Variants in ABCD3 observed in about 807,000 individuals in gnomAD.
The protein encoded by ABCD3 is ATP-binding cassette sub-family D member 3.
A neutral mutation model predicts 105.5 loss-of-function variants in ABCD3; 41 were observed. The observed-to-expected ratio is 0.39, with a 90% CI of 0.30 to 0.50. The LOEUF is 0.50. Ranked by LOEUF, ABCD3 falls within the 20% of genes least tolerant of loss-of-function variation. ABCD3 has a pLI of 0.84. For synonymous variants in ABCD3, 258 were observed against 269.0 expected (o/e 0.96, Z 0.40); for missense variants, 622 against 806.3 (o/e 0.77, Z 2.77).
chr1:94,512,520 A>G (rs537667348), intron 21 of ABCD3, among the ~76,000 whole-genome samples: 2 of 151,744 alleles, frequency 1.3e-5, no homozygotes, highest in Non-Finnish European at 2.9e-5. Context: ...CATTACTTAG[A>G]GTTAATAAAC....
At chr1:94,450,455 CCCA>C (rs1660536350) in intron 1 of ABCD3, among the ~76,000 whole-genome samples, 1 of 152,230 alleles carries the variant, frequency 6.6e-6, no homozygotes, top group Non-Finnish European at 1.5e-5. Context: ...GAACACCTGG[CCCA>C]CCCAGGGCGG....
chr1:94,413,992 T>TA (rs1658958416), upstream of ABCD3, among the ~76,000 whole-genome samples: 1 of 152,072 alleles, frequency 6.6e-6, no homozygotes, highest in African/African-American at 2.4e-5. Context: ...GTGAGGATGT[T>TA]AGGGTAGGAA....
At chr1:94,454,716 A>G (rs1017838255) in intron 1 of ABCD3, among the ~76,000 whole-genome samples, 18 of 152,184 alleles carry the variant, frequency 1.2e-4, no homozygotes, top group East Asian at 3.9e-4. Flanking sequence ...CAGTGGTGCA[A>G]TCTTGGCCCA....
intron 1 of ABCD3, among the ~76,000 whole-genome samples, chr1:94,425,239 T>G (rs1200207352): frequency 6.6e-6 from 1 of 152,222 alleles, no homozygotes; most frequent in African/African-American, 2.4e-5. Context: ...ATAACCATAA[T>G]ACAAATATTG....
chr1:94,431,831 C>G (rs1200904192), intron 1 of ABCD3, among the ~76,000 whole-genome samples: 2 of 152,166 alleles, frequency 1.3e-5, no homozygotes, highest in Non-Finnish European at 2.9e-5. Flanking sequence ...CCTGTGAATA[C>G]AGTTATGTTG....
At chr1:94,453,323 CTTT>C (rs766404829) in intron 1 of ABCD3, among the ~76,000 whole-genome samples, 6 of 135,444 alleles carry the variant, frequency 4.4e-5, no homozygotes, top group Admixed American at 7.4e-5. Context: ...TTATATTTTT[CTTT>C]TTTTTTTTTT....
intron 5 of ABCD3, among the ~76,000 whole-genome samples, chr1:94,474,866 T>C (rs952992075): frequency 6.6e-6 from 1 of 152,076 alleles, no homozygotes; most frequent in African/African-American, 2.4e-5. Flanking sequence ...GGGGATATAT[T>C]TGACTTTTTG....
chr1:94,461,664 T>C (rs1647876822), intron 2 of ABCD3, among the ~76,000 whole-genome samples: 2 of 152,252 alleles, frequency 1.3e-5, no homozygotes, highest in African/African-American at 4.8e-5. Context: ...CTTTCTTTTT[T>C]ACAGTTGTAT....
the ABCD3 span, among the ~76,000 whole-genome samples, chr1:94,394,595 G>C: frequency 6.6e-6 from 1 of 152,190 alleles, no homozygotes; most frequent in African/African-American, 2.4e-5. Flanking sequence ...TATTAAGGGG[G>C]AGTCTGCTTG....
the ABCD3 span, among the ~76,000 whole-genome samples, chr1:94,402,891 G>A: frequency 6.6e-6 from 1 of 151,308 alleles, no homozygotes; most frequent in African/African-American, 2.4e-5. Context: ...CCATGCTGGT[G>A]CGCTGCACCC....
At chr1:94,389,922 G>A in the ABCD3 span, among the ~76,000 whole-genome samples, 1 of 152,216 alleles carries the variant, frequency 6.6e-6, no homozygotes, top group Non-Finnish European at 1.5e-5. Context: ...GTTATAGTCT[G>A]TAGAATGTCA....
intron 8 of ABCD3, among the ~76,000 whole-genome samples, chr1:94,479,636 G>A (rs1648942286): frequency 1.3e-5 from 2 of 152,074 alleles, no homozygotes; most frequent in Non-Finnish European, 2.9e-5. Flanking sequence ...AGAACTGGAG[G>A]TGATATCTGA....
intron 21 of ABCD3, among the ~76,000 whole-genome samples, chr1:94,510,277 A>C (rs1650594830): frequency 6.6e-6 from 1 of 152,108 alleles, no homozygotes; most frequent in Non-Finnish European, 1.5e-5. Flanking sequence ...CAGGTTGTTC[A>C]GTTTCCATGT....
the ABCD3 span, among the ~76,000 whole-genome samples, chr1:94,412,971 T>C: frequency 6.6e-6 from 1 of 152,194 alleles, no homozygotes; most frequent in Admixed American, 6.5e-5. Context: ...TTAGAAAAAT[T>C]AACCACTTAT....
intron 1 of ABCD3, chr1:94,455,857 A>C: frequency 2.4e-6 from 3 of 1,251,994 alleles, no homozygotes; most frequent in Non-Finnish European, 2.1e-6. Flanking sequence ...ATCGTACTGC[A>C]TGAATCTCCA....
At chr1:94,437,974 T>G (rs965023364) in intron 1 of ABCD3, among the ~76,000 whole-genome samples, 1 of 152,074 alleles carries the variant, frequency 6.6e-6, no homozygotes, top group African/African-American at 2.4e-5. Context: ...TACAACAGAA[T>G]TGCTTCAATC....
intron 16 of ABCD3, among the ~76,000 whole-genome samples, chr1:94,492,700 GA>G (rs1649592025): frequency 6.6e-6 from 1 of 151,704 alleles, no homozygotes; most frequent in South Asian, 2.1e-4. Flanking sequence ...CTTCGTTGAA[GA>G]ATGCCTCTTG....
At chr1:94,492,103 A>T (rs1291552838) in intron 16 of ABCD3, among the ~76,000 whole-genome samples, 1 of 152,158 alleles carries the variant, frequency 6.6e-6, no homozygotes, top group Non-Finnish European at 1.5e-5. Flanking sequence ...AACTGAATTT[A>T]AAATTTAATT....
intron 16 of ABCD3, among the ~76,000 whole-genome samples, chr1:94,496,054 C>G (rs1043879379): frequency 3.3e-5 from 5 of 152,226 alleles, no homozygotes; most frequent in African/African-American, 9.6e-5. Flanking sequence ...ATGTGTTAGG[C>G]TGCTTCATTC....
Sources: allele counts gnomAD v4.1 joint callset (sites outside exome capture counted in the v4.1 genomes callset), GRCh38; gene constraint gnomAD v4.1.1; transcripts MANE v1.5; gene names NCBI Gene and HGNC (gene_info 2026-07-23, HGNC 2026-07-21).